Variants in ZNF425 observed in about 807,000 individuals in gnomAD.
ZNF425 encodes zinc finger protein 425.
Under a neutral mutation model 17.0 loss-of-function variants are expected in ZNF425, and 21 were observed. The ratio of observed to expected loss-of-function variants is 1.23; its 90% CI spans 0.88 to 1.78. The LOEUF (loss-of-function observed/expected upper bound fraction) is 1.78. Among genes scored for constraint, ZNF425 ranks in the 40% most tolerant of loss-of-function variants. The pLI is 0.00. For synonymous variants in ZNF425, 433 were observed against 384.1 expected, an observed-to-expected ratio of 1.13 and a Z score of -1.49; for missense variants, 868 against 967.3, an observed-to-expected ratio of 0.90 and a Z score of 1.36.
At chr7:149,124,068 T>C (rs1469417416) in intron 1 of ZNF425, among the ~76,000 whole-genome samples, 28 of 138,270 alleles carry the variant, frequency 2.0e-4, no homozygotes, top group Middle Eastern at 5.0e-3. Flanking sequence ...AGGATGGTCT[T>C]GATCTCCTGA....
At chr7:149,110,814 A>G (rs1316787378) in intron 3 of ZNF425, among the ~76,000 whole-genome samples, 2 of 75,784 alleles carry the variant, frequency 2.6e-5, no homozygotes, top group African/African-American at 1.0e-4. Flanking sequence ...TTTTTTTTTG[A>G]GACGGAGTCC....
intron 3 of ZNF425, among the ~76,000 whole-genome samples, chr7:149,106,270 G>A (rs1239928376): frequency 6.9e-6 from 1 of 144,732 alleles, no homozygotes; most frequent in African/African-American, 2.6e-5. Context: ...TTTTGAGACA[G>A]TCTCACTCTG....
rs147910083 is a variant in ZNF425, at chr7:149,105,242, C to T, written c.629G>A (p.Arg210Gln). The T allele has an allele frequency of 1.5e-4, 245 of 1,614,152 alleles. No homozygotes were observed. Among genetic ancestry groups the T allele is most frequent in the Admixed American group, 4.3e-4 (26 of 60,006 alleles). Residue 210 changes from arginine to glutamine, a missense_variant, in exon 4 of 4, where the codon CGG becomes CAG. Coordinates refer to ENST00000378061, the MANE Select transcript of ZNF425 (RefSeq NM_001001661.3). Reference sequence around the variant, plus strand: ...GCAGAGCTGGCTCTTGGAGTGGCTCCGTTTGTGCTTTAGCAAATCCCTCCT... The same window carrying T: ...GCAGAGCTGGCTCTTGGAGTGGCTCTGTTTGTGCTTTAGCAAATCCCTCCT... Reference protein sequence around the residue: ...QVRRDLLKHKRSHSKSQLCRY... With the variant: ...QVRRDLLKHKQSHSKSQLCRY...
rs895657739 is a variant in ZNF425 at position 149,103,273 on chromosome 7, G to A, written c.*339C>T. ...GCTCTGTCACCCAGGCTGGAGTGCA[G>A]TGGTGTGAGCATGGCTCACTGCAGC... On this transcript the variant is annotated 3_prime_UTR_variant, in exon 4 of 4. Coordinates refer to ENST00000378061, the MANE Select transcript of ZNF425 (RefSeq NM_001001661.3). 4.2e-6 allele frequency: 1 copy of A among 238,436 alleles called. No homozygotes were observed. The highest frequency in any genetic ancestry group is 8.1e-6 in the Non-Finnish European group (1 of 123,224). 14.8% of individuals were successfully genotyped at this position (238,436 alleles called of 1,614,324 possible). A position where few individuals can be genotyped will look rare whatever the true frequency, so the allele number is the denominator to read the frequency against.
chr7:149,109,081 CTTTTTTTT>C (rs774851748), intron 3 of ZNF425, among the ~76,000 whole-genome samples: 1 of 138,816 alleles, frequency 7.2e-6, no homozygotes, highest in Non-Finnish European at 1.6e-5. Context: ...TTTTTTCTTT[CTTTTTTTT>C]TTTTTTTGAA....
chr7:149,107,327 T>G, intron 3 of ZNF425, among the ~76,000 whole-genome samples: 1 of 139,048 alleles, frequency 7.2e-6, no homozygotes, highest in African/African-American at 2.9e-5. Flanking sequence ...ATTTATTTAT[T>G]TATTTATTTA....
At chr7:149,123,115 A>C (rs1826387605) in intron 1 of ZNF425, among the ~76,000 whole-genome samples, 1 of 152,218 alleles carries the variant, frequency 6.6e-6, no homozygotes. Context: ...TCTGCAAGCC[A>C]TGATTGGCTC....
chr7:149,118,119 G>T (rs1826295707), intron 2 of ZNF425, 103 bp downstream of exon 2: 1 of 1,289,844 alleles, frequency 7.8e-7, no homozygotes, highest in African/African-American at 1.5e-5. Flanking sequence ...AATGTAAACT[G>T]GGCACAGTAT....
intron 1 of ZNF425, among the ~76,000 whole-genome samples, chr7:149,125,387 G>A (rs1016225911): frequency 2.0e-5 from 3 of 152,078 alleles, no homozygotes; most frequent in Non-Finnish European, 4.4e-5. Context: ...CAGCATTTAC[G>A]GTAAATTCGA....
Position 149,112,303 on chromosome 7 carries a change from T to C in ZNF425, c.146-8A>G, listed in dbSNP as rs1449742252. 1 of 1,612,530 alleles carries C rather than the reference T, an allele frequency of 6.2e-7. No homozygotes were observed. The highest frequency in any genetic ancestry group is 2.2e-5 in the East Asian group (1 of 44,812). On this transcript the variant is annotated splice_polypyrimidine_tract_variant and splice_region_variant and intron_variant, in intron 2 of 3. Transcript: ENST00000378061. The stretch of plus-strand genomic sequence containing the variant: ...GCTTGGAAAAAGCATACCCTGCAAA[T>C]AGAGTCCACACAGACTTTGAGTTTA...
chr7:149,110,531 A>G (rs1300185672), intron 3 of ZNF425, among the ~76,000 whole-genome samples: 2 of 149,782 alleles, frequency 1.3e-5, no homozygotes, highest in African/African-American at 2.5e-5. Context: ...GTGCCACTGC[A>G]CTCCAGCCTC....
At position 149,104,349 on chromosome 7, in the gene ZNF425, A is replaced by G; in HGVS notation, c.1522T>C (p.Ser508Pro). 1.2e-6 allele frequency: 2 copies of G among 1,612,948 alleles called. No homozygotes were observed. The highest frequency in any genetic ancestry group is 1.3e-5 in the African/African-American group (1 of 75,018). ...TGCTGCGTGAGCCGCGACTGCTGAGAAAAGGTCTTTTTGCACTCGCCGCAG... is the reference window on the plus strand; with the variant it reads ...TGCTGCGTGAGCCGCGACTGCTGAGGAAAGGTCTTTTTGCACTCGCCGCAG... ...FPCGECKKTF[S>P]QQSRLTQHLK... Residue 508 changes from serine to proline, a missense_variant, in exon 4 of 4, where the codon TCT becomes CCT. Ser to Pro is a moderately conservative substitution (Grantham distance 74). Transcript: ENST00000378061. The surrounding 1 kb of genome is among the most constrained non-coding windows in gnomAD (Gnocchi z 4.3).
chr7:149,124,315 C>T (rs1826415114), intron 1 of ZNF425, among the ~76,000 whole-genome samples: 1 of 150,242 alleles, frequency 6.7e-6, no homozygotes, highest in Non-Finnish European at 1.5e-5. Flanking sequence ...GCCACCACGC[C>T]CGGCTAATTT....
intron 1 of ZNF425, among the ~76,000 whole-genome samples, chr7:149,125,329 A>C (rs1037539756): frequency 6.6e-6 from 1 of 152,216 alleles, no homozygotes; most frequent in Non-Finnish European, 1.5e-5. Flanking sequence ...TACGCCTTTC[A>C]AACTCTAAAA....
chr7:149,107,289 A>C (rs912511199), intron 3 of ZNF425, among the ~76,000 whole-genome samples: 56 of 151,778 alleles, frequency 3.7e-4, no homozygotes, highest in African/African-American at 1.3e-3. Flanking sequence ...TTCCTTTTCC[A>C]AAAAACTCTG....
chr7:149,109,307 G>C (rs1352563080), intron 3 of ZNF425, among the ~76,000 whole-genome samples: 1 of 151,878 alleles, frequency 6.6e-6, no homozygotes, highest in Non-Finnish European at 1.5e-5. Context: ...TCGATCTCTC[G>C]ACCTCGTGAT....
At chr7:149,111,140 G>GT (rs943474272) in intron 3 of ZNF425, among the ~76,000 whole-genome samples, 11 of 150,382 alleles carry the variant, frequency 7.3e-5, no homozygotes, top group Admixed American at 1.3e-4. Flanking sequence ...CCCAGGATTT[G>GT]TTTTTTTTTA....
Position 149,104,097 on chromosome 7 carries a change from T to C in ZNF425, c.1774A>G (p.Thr592Ala), listed in dbSNP as rs369230061. 106 of 1,612,518 alleles carry C rather than the reference T, an allele frequency of 6.6e-5. 1 individual carries two copies. Among genetic ancestry groups the C allele is most frequent in the Non-Finnish European group, 9.3e-6 (11 of 1,179,960 alleles). Residue 592 changes from threonine to alanine, a missense_variant, in exon 4 of 4, where the codon ACG (threonine) becomes GCG (alanine). This residue lies in a region of ZNF425 where 437 missense variants were observed against 444.2 expected (regional missense o/e 0.98). Transcript: ENST00000378061. This position sits in a 1 kb window ranked among gnomAD's most constrained non-coding sequence, Gnocchi z 4.3. ...TGCTCGGTGAGCTGAGACTGATGCG[T>C]GTAGGTCTTGTCACACTCACCGCAC... ...FACGECDKTY[T>A]HQSQLTEHLR...
rs371957617 is a variant in ZNF425, at chr7:149,103,585, G to C, written c.*27C>G. 3 of 1,550,302 alleles carry C rather than the reference G, an allele frequency of 1.9e-6. No individual in the cohort carries two copies. Among genetic ancestry groups the C allele is most frequent in the African/African-American group, 2.8e-5 (2 of 72,710 alleles). On this transcript the variant is annotated 3_prime_UTR_variant, in exon 4 of 4. Coordinates refer to ENST00000378061, the MANE Select transcript of ZNF425 (RefSeq NM_001001661.3). Reference sequence around the variant, plus strand: ...GAGCTGCTGGCACCTCCTGAAAGCCGACTGCGTGACTGCTGCATGGCCTGA... The same window carrying C: ...GAGCTGCTGGCACCTCCTGAAAGCCCACTGCGTGACTGCTGCATGGCCTGA...
Sources: gnomAD v4.1 joint callset for allele counts (sites outside exome capture counted in the v4.1 genomes callset) on GRCh38, gnomAD v4.1.1 for gene constraint, gnomAD v4.1.1 regional missense constraint, Gnocchi (gnomAD v3.1) non-coding constraint, MANE v1.5 for transcripts, NCBI Gene and HGNC (gene_info 2026-07-23, HGNC 2026-07-21) for gene names.